The following CEP164 variants were observed in gnomAD, a reference collection of about 807,000 sequenced individuals.
CEP164 encodes the protein centrosomal protein 164.
CEP164 carries 162 observed loss-of-function variants against 182.7 expected under a neutral mutation model. The ratio of observed to expected loss-of-function variants is 0.89; its 90% CI spans 0.78 to 1.01. The LOEUF (loss-of-function observed/expected upper bound fraction) is 1.01. CEP164 is among the 50% of genes least tolerant of loss of function. CEP164 has a pLI of 0.00. For synonymous variants in CEP164, 661 were observed against 690.0 expected (o/e 0.96, Z 0.66); for missense variants, 1,735 against 1,790.4 (o/e 0.97, Z 0.56).
At chr11:117,366,159 T>C (rs1592189631) in intron 8 of CEP164, among the ~76,000 whole-genome samples, 1 of 151,072 alleles carries the variant, frequency 6.6e-6, no homozygotes, top group South Asian at 2.1e-4. Flanking sequence ...GTGGTGGGGG[T>C]AAATGGGGGG....
At chr11:117,357,213 T>G (rs1423901107) in intron 5 of CEP164, among the ~76,000 whole-genome samples, 3 of 151,864 alleles carry the variant, frequency 2.0e-5, no homozygotes, top group Non-Finnish European at 4.4e-5. Flanking sequence ...TTCAAGTGAT[T>G]TTCGTGCCTC....
At chr11:117,388,161 C>T (rs897651422) in intron 15 of CEP164, among the ~76,000 whole-genome samples, 26 of 152,194 alleles carry the variant, frequency 1.7e-4, no homozygotes, top group Non-Finnish European at 2.2e-4. Context: ...GAAATCCTGG[C>T]GCTGTGTCCC....
intron 12 of CEP164, among the ~76,000 whole-genome samples, chr11:117,381,002 A>C (rs575141896): frequency 6.6e-6 from 1 of 152,186 alleles, no homozygotes; most frequent in Admixed American, 6.5e-5. Context: ...TCTGGGCACC[A>C]TTGTGGGGCC....
In CEP164 at chr11:117,395,116, C is replaced by G; in HGVS notation, c.2845-7C>G. 1.2e-6 allele frequency: 2 copies of G among 1,614,148 alleles called. No homozygotes were observed. Among genetic ancestry groups the G allele is most frequent in the African/African-American group, 1.3e-5 (1 of 75,056 alleles). The stretch of plus-strand genomic sequence containing the variant: ...TCAGCCAGAAAATCCTGTCTCTTCC[C>G]TGCAAGGAGGAGACCGCCCGGAGGG... On this transcript the variant is annotated splice_region_variant and splice_polypyrimidine_tract_variant and intron_variant, in intron 22 of 32. Coordinates refer to ENST00000278935, the MANE Select transcript of CEP164 (RefSeq NM_014956.5).
In CEP164 at chr11:117,373,733, G is replaced by A. The variant is rs1490620046; in HGVS notation, c.1153-18G>A. 6 of 1,611,030 alleles carry A rather than the reference G, an allele frequency of 3.7e-6. No homozygotes were observed. The African/African-American group carries it at 4.0e-5, about 11-fold the overall frequency. On this transcript the variant is annotated intron_variant, in intron 9 of 32. Transcript: ENST00000278935. ...GTGCTCTGCTCTGAGGGATTTCTCT[G>A]TGGGTCTGTCTCTCCAGGAACTGGA...
In CEP164 at chr11:117,391,150, C is replaced by G; in HGVS notation, c.2218C>G (p.Leu740Val). 1 of 1,613,524 alleles carries G rather than the reference C, an allele frequency of 6.2e-7. No individual in the cohort carries two copies. The highest frequency in any genetic ancestry group is 8.5e-7 in the Non-Finnish European group (1 of 1,179,902). Residue 740 changes from leucine to valine, a missense_variant, in exon 17 of 33, where the codon CTG becomes GTG. By Grantham distance (32) the Leu-to-Val change is conservative (BLOSUM62 1). Transcript: ENST00000278935. Reference protein sequence around the residue: ...EASEKSEQAALNAAKEKALQQ... With the variant: ...EASEKSEQAAVNAAKEKALQQ... The stretch of plus-strand genomic sequence containing the variant: ...TTCGGAGAAGAGCGAGCAGGCTGCC[C>G]TGAATGCTGCAAAGGAGAAGGCTCT...
chr11:117,396,052 A>T lies in CEP164; in HGVS notation c.3090-2A>T. Reference sequence around the variant, plus strand: ...GCCTCTCACTCATCTTTCCTTCCACAGCAGCCTGGAGGCTGAAGCTCAAAA... The same window carrying T: ...GCCTCTCACTCATCTTTCCTTCCACTGCAGCCTGGAGGCTGAAGCTCAAAA... On this transcript the variant is annotated splice_acceptor_variant, in intron 24 of 32. Coordinates refer to ENST00000278935, the MANE Select transcript of CEP164 (RefSeq NM_014956.5). LOFTEE classifies it high-confidence loss of function. The T allele has an allele frequency of 6.2e-7, 1 of 1,614,102 alleles. No homozygotes were observed. Among genetic ancestry groups the T allele is most frequent in the Non-Finnish European group, 8.5e-7 (1 of 1,179,990 alleles).
Position 117,409,250 on chromosome 11 carries a change from A to C in CEP164, c.3748+222A>C. ...GGAAGCCCTCTGAATGCTGCAGAGC[A>C]CTCTACGGTGTGACCACTGGCCTTG... On this transcript the variant is annotated intron_variant, in intron 29 of 32. Coordinates refer to ENST00000278935, the MANE Select transcript of CEP164 (RefSeq NM_014956.5). This position sits in a 1 kb window ranked among gnomAD's most constrained non-coding sequence, Gnocchi z 4.4. 1 of 631,342 alleles carries C rather than the reference A, an allele frequency of 1.6e-6. No homozygotes were observed. The highest frequency in any genetic ancestry group is 1.8e-5 in the African/African-American group (1 of 54,456). The allele number at this position is 631,342 out of a possible 1,614,324, so 39.1% of individuals were successfully genotyped here. A position where few individuals can be genotyped will look rare whatever the true frequency, so the allele number is the denominator to read the frequency against.
In CEP164 at chr11:117,356,385, G is replaced by GT. The variant is rs2040296545; in HGVS notation, c.393+4398dup. 3.4e-6 allele frequency: 4 copies of GT among 1,190,004 alleles called. No individual in the cohort carries two copies. The Admixed American group carries it at 1.3e-4, about 39-fold the overall frequency. The allele number at this position is 1,190,004 out of a possible 1,614,324, so 73.7% of individuals were successfully genotyped here. A position where few individuals can be genotyped will look rare whatever the true frequency, so the allele number is the denominator to read the frequency against. On this transcript the variant is annotated intron_variant, in intron 5 of 32. Transcript: ENST00000278935. Reference sequence around the variant, plus strand: ...GCAGCTGAGTCTTCTAGGATGTCTAGTGAGGGTGAGCACGAGGCCATCAGA... The same window carrying GT: ...GCAGCTGAGTCTTCTAGGATGTCTAGTTGAGGGTGAGCACGAGGCCATCAGA...
At chr11:117,324,064 C>A, upstream of CEP164, 2 of 235,304 alleles carry the variant, frequency 8.5e-6, no homozygotes, top group Non-Finnish European at 1.8e-5. Context: ...AAATATGACC[C>A]CTAAATGTTC....
intron 5 of CEP164, among the ~76,000 whole-genome samples, chr11:117,361,296 G>A (rs1165760379): frequency 1.5e-5 from 2 of 133,794 alleles, no homozygotes; most frequent in South Asian, 2.6e-4. Context: ...GCTGAAGGGC[G>A]GTGGCGTGAT....
chr11:117,361,106 T>C (rs1205477292), intron 5 of CEP164, among the ~76,000 whole-genome samples: 1 of 151,156 alleles, frequency 6.6e-6, no homozygotes, highest in East Asian at 2.0e-4. Flanking sequence ...AGCTAATTTT[T>C]GTATTTTTAG....
chr11:117,378,749 G>A (rs2043008153), intron 11 of CEP164, among the ~76,000 whole-genome samples: 2 of 152,298 alleles, frequency 1.3e-5, no homozygotes, highest in East Asian at 3.9e-4. Flanking sequence ...GTCCATCTGG[G>A]TATTTCCCCG....
At chr11:117,392,662 C>G in intron 19 of CEP164, 35 bp downstream of exon 19, 1 of 1,605,788 alleles carries the variant, frequency 6.2e-7, no homozygotes, top group Non-Finnish European at 8.5e-7. Context: ...GTCGTGTGCG[C>G]CTGTTGTGGA....
At chr11:117,338,960 G>A (rs2037640210) in intron 3 of CEP164, among the ~76,000 whole-genome samples, 1 of 152,048 alleles carries the variant, frequency 6.6e-6, no homozygotes, top group South Asian at 2.1e-4. Context: ...TGGGATTACA[G>A]GCGTGCACCA....
At chr11:117,375,232 A>C (rs1354842312) in intron 10 of CEP164, among the ~76,000 whole-genome samples, 1 of 152,148 alleles carries the variant, frequency 6.6e-6, no homozygotes, top group Non-Finnish European at 1.5e-5. Flanking sequence ...CATCCTTCGC[A>C]GCATGTGTCA....
chr11:117,361,878 G>A lies in CEP164; in HGVS notation c.437G>A (p.Gly146Asp). The A allele has an allele frequency of 6.2e-7, 1 of 1,614,150 alleles. No homozygotes were observed. Residue 146 changes from glycine to aspartate, a missense_variant, in exon 6 of 33, where the codon GGC (glycine) becomes GAC (aspartate). By Grantham distance (94) the Gly-to-Asp change is moderately conservative. Transcript: ENST00000278935. Reference protein sequence around the residue: ...SLAPVHVPLGGLAPLRGLVDT... With the variant: ...SLAPVHVPLGDLAPLRGLVDT... ...GCCCCAGTTCATGTTCCTCTTGGGG[G>A]CCTGGCTCCTTTACGAGGTCTTGTG...
chr11:117,412,620 C>T lies in CEP164; in HGVS notation c.*452C>T, dbSNP rs911325626. The T allele has an allele frequency of 6.3e-5, 10 of 157,954 alleles. No homozygotes were observed. The highest frequency in any genetic ancestry group is 6.0e-4 in the Admixed American group (10 of 16,736). 9.8% of individuals were successfully genotyped at this position (157,954 alleles called of 1,614,324 possible). On this transcript the variant is annotated 3_prime_UTR_variant, in exon 33 of 33. Coordinates refer to ENST00000278935, the MANE Select transcript of CEP164 (RefSeq NM_014956.5). ...CCCCAGCATGTGTGTACCCTGGGAC[C>T]CGATTTCTCTGGGCCCACATCTATC... is the stretch of plus-strand genomic sequence containing the variant.
chr11:117,345,088 T>C (rs1190110980), intron 4 of CEP164, among the ~76,000 whole-genome samples: 1 of 152,236 alleles, frequency 6.6e-6, no homozygotes. Flanking sequence ...TCTGAATTGA[T>C]GTAACCTATT....
Sources: allele counts gnomAD v4.1 joint callset (sites outside exome capture counted in the v4.1 genomes callset), GRCh38; gene constraint gnomAD v4.1.1; non-coding constraint Gnocchi (gnomAD v3.1); transcripts MANE v1.5; gene names NCBI Gene and HGNC (gene_info 2026-07-23, HGNC 2026-07-21).